The following CSMD2 variants were observed in gnomAD, a reference collection of about 807,000 sequenced individuals.
CSMD2 encodes CUB and sushi domain-containing protein 2.
A neutral mutation model predicts 398.5 loss-of-function variants in CSMD2; 130 were observed. The ratio of observed to expected loss-of-function variants is 0.33; its 90% CI spans 0.28 to 0.38. The LOEUF is 0.38. CSMD2 is among the 10% of genes least tolerant of loss of function. The probability of loss-of-function intolerance (pLI) is 1.00; values close to 1 mark genes in which losing one functional copy is unlikely to be tolerated. For synonymous variants in CSMD2, 1,828 were observed against 1,908.5 expected (o/e 0.96, Z 1.10); for missense variants, 3,829 against 4,764.9 (o/e 0.80, Z 5.78).
chr1:34,059,688 G>A (rs1029543523), intron 2 of CSMD2, among the ~76,000 whole-genome samples: 40 of 151,628 alleles, frequency 2.6e-4, no homozygotes, highest in Non-Finnish European at 4.9e-4. Context: ...CCCCTAACAG[G>A]TGCTCAGTAA....
At chr1:33,773,012 T>C (rs1651493486) in intron 12 of CSMD2, among the ~76,000 whole-genome samples, 1 of 152,230 alleles carries the variant, frequency 6.6e-6, no homozygotes, top group South Asian at 2.1e-4. Context: ...GTGTTCTAGA[T>C]GCTTGGATGT....
At chr1:34,126,319 G>A (rs184936825) in intron 1 of CSMD2, among the ~76,000 whole-genome samples, 1 of 152,274 alleles carries the variant, frequency 6.6e-6, no homozygotes, top group Admixed American at 6.5e-5. Flanking sequence ...CCTGGACTCT[G>A]GCTGAGCCCA....
chr1:33,891,212 A>C (rs1042253800), intron 5 of CSMD2, among the ~76,000 whole-genome samples: 47 of 151,174 alleles, frequency 3.1e-4, no homozygotes, highest in Non-Finnish European at 5.5e-4. Flanking sequence ...AGAAAAAAAA[A>C]ACAACCCCAT....
At position 33,880,406 on chromosome 1, in the gene CSMD2, A is replaced by T. The variant is rs184471224; in HGVS notation, c.921-33410T>A. The stretch of plus-strand genomic sequence containing the variant: ...TTTCTATCTGAATGGATACATTTCC[A>T]TACCACCTACTCTTTAATCAGAGAT... On this transcript the variant is annotated intron_variant, in intron 5 of 70. Coordinates refer to ENST00000373381, the MANE Select transcript of CSMD2 (RefSeq NM_001281956.2). Among the ~76,000 whole-genome samples the T allele has an allele frequency of 2.6e-5, 4 of 152,336 alleles. 1 individual carries two copies. The highest frequency in any genetic ancestry group is 2.6e-4 in the Admixed American group (4 of 15,302).
chr1:33,607,950 C>T (rs994316973), intron 41 of CSMD2, among the ~76,000 whole-genome samples: 3 of 152,198 alleles, frequency 2.0e-5, no homozygotes, highest in Admixed American at 1.3e-4. Context: ...GGCCTCCCTA[C>T]GCAGGGAAAG....
At chr1:33,860,604 T>C (rs894836125) in intron 5 of CSMD2, 14 of 152,220 alleles carry the variant, frequency 9.2e-5, no homozygotes, top group African/African-American at 3.4e-4. Context: ...TTTATTCCTA[T>C]CATTTCAATT....
chr1:33,569,571 G>A (rs1486546967), intron 51 of CSMD2, 24 bp from the exon 52 acceptor site: 1 of 1,607,444 alleles, frequency 6.2e-7, no homozygotes, highest in South Asian at 1.1e-5. Context: ...AAGATGCTCA[G>A]TAAGCCAGCC....
chr1:33,948,054 TAC>T (rs1644892546), intron 3 of CSMD2, among the ~76,000 whole-genome samples: 1 of 152,208 alleles, frequency 6.6e-6, no homozygotes, highest in Admixed American at 6.5e-5. Context: ...TCTTGCTGGC[TAC>T]AGAGTCTGCT....
intron 1 of CSMD2, among the ~76,000 whole-genome samples, chr1:34,155,228 G>A (rs1640700946): frequency 6.6e-6 from 1 of 152,174 alleles, no homozygotes; most frequent in East Asian, 1.9e-4. Context: ...GAGACTTGGT[G>A]GGGTGCAGAA....
chr1:33,734,718 G>A (rs912312642), intron 15 of CSMD2, among the ~76,000 whole-genome samples: 3 of 151,392 alleles, frequency 2.0e-5, no homozygotes, highest in African/African-American at 4.9e-5. Flanking sequence ...TTGGGAGGCA[G>A]AGGCTGCAGT....
chr1:33,976,792 TC>T lies in CSMD2; in HGVS notation c.518-40839del, dbSNP rs927129763. Among the ~76,000 whole-genome samples the T allele has an allele frequency of 7.2e-4, 110 of 152,230 alleles. 2 individuals carry two copies. The highest frequency in any genetic ancestry group is 2.6e-3 in the African/African-American group (109 of 41,542). On this transcript the variant is annotated intron_variant, in intron 3 of 70. Transcript: ENST00000373381. Reference sequence around the variant, plus strand: ...ATAAGGTAGGACACTAATACATTCCTCTTTGGGCTGTTTGAAAAGTTAAATG... The same window carrying T: ...ATAAGGTAGGACACTAATACATTCCTTTTGGGCTGTTTGAAAAGTTAAATG...
intron 25 of CSMD2, among the ~76,000 whole-genome samples, chr1:33,672,630 G>A (rs542426439): frequency 3.9e-5 from 6 of 152,314 alleles, no homozygotes; most frequent in South Asian, 4.1e-4. Flanking sequence ...CTCCCAGCAC[G>A]CAGCTTGAGA....
At chr1:33,602,788 C>T (rs1323510859) in intron 42 of CSMD2, among the ~76,000 whole-genome samples, 3 of 152,190 alleles carry the variant, frequency 2.0e-5, no homozygotes, top group Admixed American at 2.0e-4. Flanking sequence ...TCTGCCTCAG[C>T]CTCCCTCTTT....
intron 39 of CSMD2, among the ~76,000 whole-genome samples, chr1:33,616,639 C>T: frequency 6.6e-6 from 1 of 152,220 alleles, no homozygotes. Context: ...GGTTGATTAA[C>T]TAGAGCCAGA....
intron 20 of CSMD2, among the ~76,000 whole-genome samples, chr1:33,715,512 G>C (rs1646136736): frequency 6.6e-6 from 1 of 152,236 alleles, no homozygotes; most frequent in Non-Finnish European, 1.5e-5. Context: ...CATAAGGGTT[G>C]AGTCTCACTG....
At chr1:33,761,662 C>T (rs945086441) in intron 13 of CSMD2, among the ~76,000 whole-genome samples, 30 of 152,320 alleles carry the variant, frequency 2.0e-4, no homozygotes, top group African/African-American at 7.0e-4. Flanking sequence ...TAGAGAGCTC[C>T]ATCATGCATT....
chr1:33,787,454 C>A (rs534779338), intron 12 of CSMD2, among the ~76,000 whole-genome samples: 10 of 152,308 alleles, frequency 6.6e-5, no homozygotes, highest in South Asian at 6.2e-4. Context: ...CCTAGTCATT[C>A]TGAGGACTTT....
intron 3 of CSMD2, among the ~76,000 whole-genome samples, chr1:34,030,647 C>T (rs1003915264): frequency 1.2e-4 from 18 of 152,318 alleles, no homozygotes; most frequent in Admixed American, 1.2e-3. Flanking sequence ...TCTGAATGTG[C>T]CCTCAGATCT....
At chr1:33,985,062 C>T (rs975947120) in intron 3 of CSMD2, among the ~76,000 whole-genome samples, 3 of 152,194 alleles carry the variant, frequency 2.0e-5, no homozygotes, top group Admixed American at 6.5e-5. Context: ...CCATTGCTAT[C>T]GTACATGGAC....
Sources: gnomAD v4.1 joint callset for allele counts (sites outside exome capture counted in the v4.1 genomes callset) on GRCh38, gnomAD v4.1.1 for gene constraint, MANE v1.5 for transcripts, NCBI Gene and HGNC (gene_info 2026-07-23, HGNC 2026-07-21) for gene names.